Variants in RNASET2 observed in about 807,000 individuals in gnomAD.
RNASET2 encodes the protein ribonuclease T2, also known as ribonuclease 6.
A neutral mutation model predicts 33.9 loss-of-function variants in RNASET2; 28 were observed. The ratio of observed to expected loss-of-function variants is 0.83; its 90% CI spans 0.61 to 1.13. RNASET2 has a LOEUF of 1.13. RNASET2 is among the 50% of genes most tolerant of loss of function. The pLI, the probability that RNASET2 is intolerant of heterozygous loss-of-function variation, is 0.00. For missense variants in RNASET2, 330 were observed against 319.9 expected, an observed-to-expected ratio of 1.03 and a Z score of -0.24; for synonymous variants, 123 against 121.0, an observed-to-expected ratio of 1.02 and a Z score of -0.11.
At chr6:166,955,312 C>T (rs1404287825) in intron 1 of RNASET2, among the ~76,000 whole-genome samples, 2 of 57,400 alleles carry the variant, frequency 3.5e-5, no homozygotes, top group Non-Finnish European at 5.8e-5. Flanking sequence ...ACACACGACA[C>T]ACACGCACAC....
intron 1 of RNASET2, chr6:166,953,190 T>C (rs528052777): frequency 6.4e-6 from 1 of 156,066 alleles, no homozygotes; most frequent in African/African-American, 2.4e-5. Flanking sequence ...CAGCACTGCA[T>C]CACACGTGTT....
Position 166,955,229 on chromosome 6 carries a change from A to AGG in RNASET2, c.86+867_86+868insCC, listed in dbSNP as rs1554269987. Among the ~76,000 whole-genome samples the AGG allele has an allele frequency of 1.1e-4, 10 of 89,292 alleles. 1 individual carries two copies. The highest frequency in any genetic ancestry group is 5.8e-4 in the African/African-American group (9 of 15,604). 58.6% of individuals were successfully genotyped at this position (89,292 alleles called of 152,430 possible). ...CACACGCACGCACACACGCGCACAC[A>AGG]CGCACGCACGCACACACACGCACAC... On this transcript the variant is annotated intron_variant, in intron 1 of 8. Coordinates refer to ENST00000508775, the MANE Select transcript of RNASET2 (RefSeq NM_003730.6).
At chr6:166,955,437 A>T in intron 1 of RNASET2, 6 of 971,110 alleles carry the variant, frequency 6.2e-6, no homozygotes, top group Non-Finnish European at 7.3e-6. Flanking sequence ...GCGGAGGGCG[A>T]GCCAAGGGAA....
Position 166,923,511 on chromosome 6 carries a change from C to A in RNASET2, c.*6077G>T, listed in dbSNP as rs376174669. On this transcript the variant is annotated 3_prime_UTR_variant, in exon 9 of 9. Coordinates refer to ENST00000508775, the MANE Select transcript of RNASET2 (RefSeq NM_003730.6). ...CTAGGATTACAGGTATAAGCCACTG[C>A]GCCTGGCCCATCTCAAACTTTCTAA... 6.6e-6 allele frequency among the ~76,000 whole-genome samples: 1 copy of A among 152,050 alleles called. No homozygotes were observed. Among genetic ancestry groups the A allele is most frequent in the South Asian group, 2.1e-4 (1 of 4,822 alleles).
At position 166,948,618 on chromosome 6, in the gene RNASET2, T is replaced by C; in HGVS notation, c.155A>G (p.Gln52Arg). 6.3e-7 allele frequency: 1 copy of C among 1,584,120 alleles called. No individual in the cohort carries two copies. Among genetic ancestry groups the C allele is most frequent in the Non-Finnish European group, 8.7e-7 (1 of 1,153,984 alleles). Residue 52 changes from glutamine (Q) to arginine (R), a missense_variant, in exon 3 of 9, where the codon CAA (glutamine) becomes CGA (arginine). Coordinates refer to ENST00000508775, the MANE Select transcript of RNASET2 (RefSeq NM_003730.6). Reference sequence around the variant, plus strand: ...ATCCGGAGGGTCTCTACAGTCGTTTTGAATTTTCTAGGGAGAAAATATAAC... The same window carrying C: ...ATCCGGAGGGTCTCTACAGTCGTTTCGAATTTTCTAGGGAGAAAATATAAC... ...HWPETVCEKI[Q>R]NDCRDPPDYW...
At chr6:166,942,923 C>T (rs1245154415) in intron 5 of RNASET2, 96 bp downstream of exon 5, 24 of 979,576 alleles carry the variant, frequency 2.5e-5, no homozygotes, top group Non-Finnish European at 3.7e-5. Context: ...ATTCTGTTAT[C>T]TTGCTTCCCA....
At chr6:166,939,540 C>T (rs1463658626) in intron 5 of RNASET2, among the ~76,000 whole-genome samples, 1 of 152,174 alleles carries the variant, frequency 6.6e-6, no homozygotes, top group Non-Finnish European at 1.5e-5. Context: ...GCTCAATTAA[C>T]AACAAATCAA....
chr6:166,933,275 C>G lies in RNASET2; in HGVS notation c.492+816G>C, dbSNP rs1329315678. 6.6e-6 allele frequency: 1 copy of G among 152,226 alleles called. No individual in the cohort carries two copies. The highest frequency in any genetic ancestry group is 1.5e-5 in the Non-Finnish European group (1 of 68,048). 9.4% of individuals were successfully genotyped at this position (152,226 alleles called of 1,614,324 possible). A position where few individuals can be genotyped will look rare whatever the true frequency, so the allele number is the denominator to read the frequency against. Reference sequence around the variant, plus strand: ...CACATCGGTCCCTACTGCAGCTACACCATGGGAGCACAAGCATCCCCAGGT... The same window carrying G: ...CACATCGGTCCCTACTGCAGCTACAGCATGGGAGCACAAGCATCCCCAGGT... On this transcript the variant is annotated intron_variant, in intron 7 of 8. Coordinates refer to ENST00000508775, the MANE Select transcript of RNASET2 (RefSeq NM_003730.6). This position sits in a 1 kb window ranked among gnomAD's most constrained non-coding sequence, Gnocchi z 4.1.
chr6:166,929,928 C>T (rs1583212249), intron 8 of RNASET2, 137 bp from the exon 9 acceptor site: 6 of 822,706 alleles, frequency 7.3e-6, no homozygotes, highest in Non-Finnish European at 1.2e-5. Context: ...GTTCCAAGAA[C>T]GGACCCCTTC....
chr6:166,948,251 C>A (rs1778895335), intron 3 of RNASET2, among the ~76,000 whole-genome samples: 1 of 151,404 alleles, frequency 6.6e-6, no homozygotes, highest in Non-Finnish European at 1.5e-5. Flanking sequence ...GAGGCTGGAG[C>A]AGGAGAATCA....
chr6:166,931,056 A>G lies in RNASET2; in HGVS notation c.555T>C (p.Leu185=). 1.2e-6 allele frequency: 2 copies of G among 1,611,828 alleles called. No homozygotes were observed. The highest frequency in any genetic ancestry group is 1.7e-6 in the Non-Finnish European group (2 of 1,177,882). The change falls in exon 8 of 9, where the codon CTT becomes CTC. Residue 185 remains leucine (L), a synonymous_variant. Transcript: ENST00000508775. ...ATAACTGTCTAACCTGGCTTGGTGG[A>G]AGGCACTGGATTTTGGGTATCACTC... ...VYGVIPKIQC[L]PPSQDEEVQT... is the part of the protein sequence containing the mutation.
intron 1 of RNASET2, among the ~76,000 whole-genome samples, chr6:166,955,191 A>ACG (rs1323321371): frequency 8.2e-5 from 3 of 36,394 alleles, no homozygotes; most frequent in African/African-American, 4.8e-4. Context: ...ACACACACGC[A>ACG]CACACGCACG....
rs181753524 is a variant in RNASET2, at chr6:166,928,336, A to C, written c.*1252T>G. On this transcript the variant is annotated 3_prime_UTR_variant, in exon 9 of 9. Transcript: ENST00000508775. ...TCTCTCTCTGAACATTCTGCATTTC[A>C]GACTGTCTTGTAGACACCATGAAGT... is the stretch of plus-strand genomic sequence containing the variant. 1.3e-5 allele frequency among the ~76,000 whole-genome samples: 2 copies of C among 152,274 alleles called. No individual in the cohort carries two copies. Among genetic ancestry groups the C allele is most frequent in the East Asian group, 3.9e-4 (2 of 5,188 alleles).
rs748665523 is a variant in RNASET2, at chr6:166,956,487, G to A, written c.-305C>T. ...CCCGGGCTCTGCTTCGCGACCCACA[G>A]CGACCCCAGCTCCTCCACGCTGCAG... On this transcript the variant is annotated 5_prime_UTR_variant, in exon 1 of 9. Coordinates refer to ENST00000508775, the MANE Select transcript of RNASET2 (RefSeq NM_003730.6). The A allele has an allele frequency of 1.4e-5, 6 of 442,604 alleles. No homozygotes were observed. The highest frequency in any genetic ancestry group is 2.0e-5 in the Non-Finnish European group (5 of 244,592). 27.4% of individuals were successfully genotyped at this position (442,604 alleles called of 1,614,324 possible).
chr6:166,923,997 G>A lies in RNASET2; in HGVS notation c.*5591C>T, dbSNP rs1005646492. 5.3e-5 allele frequency among the ~76,000 whole-genome samples: 8 copies of A among 152,164 alleles called. No homozygotes were observed. The highest frequency in any genetic ancestry group is 1.9e-4 in the African/African-American group (8 of 41,438). Reference sequence around the variant, plus strand: ...TATTTTTATTCCTGATCCAAAGTTCGCAGAAACAAAAAGTGAAAACAGGCG... The same window carrying A: ...TATTTTTATTCCTGATCCAAAGTTCACAGAAACAAAAAGTGAAAACAGGCG... On this transcript the variant is annotated 3_prime_UTR_variant, in exon 9 of 9. Coordinates refer to ENST00000508775, the MANE Select transcript of RNASET2 (RefSeq NM_003730.6).
intron 8 of RNASET2, 51 bp from the exon 9 acceptor site, chr6:166,929,842 T>A: frequency 6.6e-7 from 1 of 1,524,778 alleles, no homozygotes; most frequent in Non-Finnish European, 9.1e-7. Context: ...TGGATTATCA[T>A]CAAGGTCTTA....
chr6:166,952,485 CA>C lies in RNASET2; in HGVS notation c.147+2del. The C allele has an allele frequency of 6.2e-7, 1 of 1,613,754 alleles. No individual in the cohort carries two copies. The highest frequency in any genetic ancestry group is 8.5e-7 in the Non-Finnish European group (1 of 1,179,600). On this transcript the variant is annotated splice_donor_variant, in intron 2 of 8. Coordinates refer to ENST00000508775, the MANE Select transcript of RNASET2 (RefSeq NM_003730.6). LOFTEE classifies it high-confidence loss of function. Reference sequence around the variant, plus strand: ...CAGGGCCCGTCAAGGCAGAAACACTCACCTCGCATACTGTCTCAGGCCAGTG... The same window carrying C: ...CAGGGCCCGTCAAGGCAGAAACACTCCCTCGCATACTGTCTCAGGCCAGTG...
At position 166,938,998 on chromosome 6, in the gene RNASET2, A is replaced by G. The variant is rs1421687402; in HGVS notation, c.343T>C (p.Trp115Arg). ...GCGGCGCAGGTCCCATGCTTTTCCC[A>G]CTCATGCTTCCTGTGAGGATTAGGA... Reference protein sequence around the residue: ...PNRSRFWKHEWEKHGTCAAQV... With the variant: ...PNRSRFWKHEREKHGTCAAQV... The change falls in exon 6 of 9, where the codon TGG becomes CGG. Residue 115 changes from tryptophan (W) to arginine (R), a missense_variant. Coordinates refer to ENST00000508775, the MANE Select transcript of RNASET2 (RefSeq NM_003730.6). 3.7e-6 allele frequency: 6 copies of G among 1,612,128 alleles called. No homozygotes were observed. The highest frequency in any genetic ancestry group is 5.1e-6 in the Non-Finnish European group (6 of 1,179,212).
intron 1 of RNASET2, chr6:166,955,453 TCAGAA>T: frequency 1.0e-6 from 1 of 984,338 alleles, no homozygotes; most frequent in Non-Finnish European, 1.2e-6. Context: ...GGGAAGGGAT[TCAGAA>T]CAGGATACTC....
Sources: gnomAD v4.1 joint callset for allele counts (sites outside exome capture counted in the v4.1 genomes callset) on GRCh38, gnomAD v4.1.1 for gene constraint, Gnocchi (gnomAD v3.1) non-coding constraint, MANE v1.5 for transcripts, NCBI Gene and HGNC (gene_info 2026-07-23, HGNC 2026-07-21) for gene names.